The following COL11A1 variants were observed in gnomAD, a reference collection of about 807,000 sequenced individuals.
COL11A1 encodes collagen type XI alpha 1 chain.
Under a neutral mutation model 265.2 loss-of-function variants are expected in COL11A1, and 74 were observed. That is an observed-to-expected ratio of 0.28 (90% confidence interval 0.23 to 0.34). COL11A1 has a LOEUF of 0.34. COL11A1 is among the 10% of genes least tolerant of loss of function. COL11A1 has a pLI of 1.00. For synonymous variants in COL11A1, 816 were observed against 727.6 expected (o/e 1.12, Z -1.96); for missense variants, 2,165 against 2,263.6 (o/e 0.96, Z 0.88).
Position 103,001,444 on chromosome 1 carries a change from A to C in COL11A1, c.2142+481T>G, listed in dbSNP as rs899112493. ...GATCAGGGAAAAAGACATGTGTTTAATTATAGATTTATTCTTGTTTTGATC... is the reference window on the plus strand; with the variant it reads ...GATCAGGGAAAAAGACATGTGTTTACTTATAGATTTATTCTTGTTTTGATC... On this transcript the variant is annotated intron_variant, in intron 24 of 66. Coordinates refer to ENST00000370096, the MANE Select transcript of COL11A1 (RefSeq NM_001854.4). 5 of 410,544 alleles carry C rather than the reference A, an allele frequency of 1.2e-5. No individual in the cohort carries two copies. The South Asian group carries it at 5.5e-4, about 45-fold the overall frequency. The allele number at this position is 410,544 out of a possible 1,614,324, so 25.4% of individuals were successfully genotyped here. A position where few individuals can be genotyped will look rare whatever the true frequency, so the allele number is the denominator to read the frequency against.
chr1:103,062,813 T>C (rs962445665), intron 4 of COL11A1, among the ~76,000 whole-genome samples: 3 of 151,884 alleles, frequency 2.0e-5, no homozygotes, highest in Non-Finnish European at 4.4e-5. Context: ...ATTAAACTTT[T>C]CCACAGATTA....
At chr1:103,046,398 G>A (rs1006260031) in intron 4 of COL11A1, among the ~76,000 whole-genome samples, 5 of 151,514 alleles carry the variant, frequency 3.3e-5, no homozygotes, top group African/African-American at 7.3e-5. Flanking sequence ...CTGCATAAAT[G>A]TCTTGTTTTG....
chr1:102,983,344 G>A (rs1347627686), intron 31 of COL11A1, among the ~76,000 whole-genome samples: 1 of 151,962 alleles, frequency 6.6e-6, no homozygotes, highest in African/African-American at 2.4e-5. Flanking sequence ...ATCTGTGAAT[G>A]TTACCTTACT....
intron 1 of COL11A1, among the ~76,000 whole-genome samples, chr1:103,090,513 AAAC>A (rs1421588057): frequency 1.3e-5 from 2 of 152,184 alleles, no homozygotes; most frequent in African/African-American, 2.4e-5. Context: ...CCAAGCCTAT[AAAC>A]AACAATTGAT....
Position 102,881,758 on chromosome 1 carries a change from A to G in COL11A1, c.4979T>C (p.Ile1660Thr), listed in dbSNP as rs1650270271. The change falls in exon 65 of 67, where the codon ATT (isoleucine) becomes ACT (threonine). Residue 1660 changes from isoleucine to threonine, a missense_variant. Physicochemically the swap from Ile to Thr is moderately conservative, Grantham distance 89. Transcript: ENST00000370096. ...TGGTTTCTCCTTTGGCCATGATGAAATTCTTACCTGTTGCAAAGGAACAGA... is the reference window on the plus strand; with the variant it reads ...TGGTTTCTCCTTTGGCCATGATGAAGTTCTTACCTGTTGCAAAGGAACAGA... ...YPDKKSEGVR[I>T]SSWPKEKPGS... 2.5e-6 allele frequency: 4 copies of G among 1,612,460 alleles called. No individual in the cohort carries two copies. The highest frequency in any genetic ancestry group is 3.4e-6 in the Non-Finnish European group (4 of 1,179,022).
intron 57 of COL11A1, among the ~76,000 whole-genome samples, chr1:102,895,103 T>C (rs1652255543): frequency 6.6e-6 from 1 of 152,214 alleles, no homozygotes; most frequent in Non-Finnish European, 1.5e-5. Context: ...TATGTACTTT[T>C]TCAAGTAAAA....
chr1:103,098,907 T>C (rs1468192892), intron 1 of COL11A1, among the ~76,000 whole-genome samples: 1 of 151,800 alleles, frequency 6.6e-6, no homozygotes, highest in Non-Finnish European at 1.5e-5. Flanking sequence ...TAGAGACTGA[T>C]AGTCTCAGGA....
chr1:102,958,406 A>G (rs1014534629), intron 41 of COL11A1, among the ~76,000 whole-genome samples: 1 of 152,098 alleles, frequency 6.6e-6, no homozygotes, highest in Non-Finnish European at 1.5e-5. Context: ...AATTTTCTAG[A>G]TAAATTATAC....
At chr1:102,973,324 T>C (rs572011318) in intron 36 of COL11A1, among the ~76,000 whole-genome samples, 1 of 152,248 alleles carries the variant, frequency 6.6e-6, no homozygotes, top group African/African-American at 2.4e-5. Flanking sequence ...ACAAAATGCA[T>C]GCACGATCAA....
intron 63 of COL11A1, among the ~76,000 whole-genome samples, chr1:102,883,848 T>A: frequency 6.6e-6 from 1 of 152,124 alleles, no homozygotes; most frequent in African/African-American, 2.4e-5. Context: ...ACTCTCTCTT[T>A]GAAGGGGGGT....
intron 6 of COL11A1, chr1:103,025,847 T>C: frequency 4.3e-6 from 7 of 1,613,644 alleles, no homozygotes; most frequent in Non-Finnish European, 5.1e-6. Context: ...CTTTTCTTCT[T>C]CTTGGATGAA....
chr1:103,106,733 A>G (rs148360109), intron 1 of COL11A1, among the ~76,000 whole-genome samples: 95 of 152,254 alleles, frequency 6.2e-4, no homozygotes, highest in African/African-American at 2.2e-3. Flanking sequence ...AAAGTCACCC[A>G]AGGGAATAAT....
At chr1:103,011,705 T>A (rs1189485201) in intron 14 of COL11A1, among the ~76,000 whole-genome samples, 1 of 151,262 alleles carries the variant, frequency 6.6e-6, no homozygotes, top group Non-Finnish European at 1.5e-5. Context: ...GCAGAAAAAA[T>A]TTATACAAAA....
At chr1:103,094,766 G>A (rs567201037) in intron 1 of COL11A1, among the ~76,000 whole-genome samples, 1 of 152,012 alleles carries the variant, frequency 6.6e-6, no homozygotes, top group South Asian at 2.1e-4. Context: ...TACAAAATAT[G>A]TATTAATCAA....
chr1:103,045,540 G>A (rs1669178855), intron 4 of COL11A1, among the ~76,000 whole-genome samples: 1 of 152,030 alleles, frequency 6.6e-6, no homozygotes, highest in Non-Finnish European at 1.5e-5. Context: ...AAATAGAGTA[G>A]TTTATGCTTT....
chr1:103,104,115 CTT>C (rs1182399837), intron 1 of COL11A1, among the ~76,000 whole-genome samples: 1 of 151,990 alleles, frequency 6.6e-6, no homozygotes, highest in Non-Finnish European at 1.5e-5. Context: ...CTAGCATTCT[CTT>C]TTAAAAATCT....
intron 4 of COL11A1, among the ~76,000 whole-genome samples, chr1:103,039,686 G>A (rs1221834812): frequency 6.6e-6 from 1 of 151,922 alleles, no homozygotes. Flanking sequence ...AGCCACTGAG[G>A]CTGTGGCAAT....
chr1:103,059,543 G>C, intron 4 of COL11A1, among the ~76,000 whole-genome samples: 1 of 152,064 alleles, frequency 6.6e-6, no homozygotes, highest in Non-Finnish European at 1.5e-5. Context: ...ACCAGAGTCA[G>C]ATATGGCAGA....
intron 36 of COL11A1, among the ~76,000 whole-genome samples, chr1:102,974,586 A>T (rs1254935622): frequency 6.6e-6 from 1 of 152,130 alleles, no homozygotes; most frequent in Non-Finnish European, 1.5e-5. Context: ...TGAGAGAATG[A>T]TATTCATGTT....
Sources: allele counts gnomAD v4.1 joint callset (sites outside exome capture counted in the v4.1 genomes callset), GRCh38; gene constraint gnomAD v4.1.1; transcripts MANE v1.5; gene names NCBI Gene and HGNC (gene_info 2026-07-23, HGNC 2026-07-21).